ADARB1: variants seen among roughly 807,000 people sequenced by gnomAD.
ADARB1 encodes the protein adenosine deaminase RNA specific B1.
A neutral mutation model predicts 52.4 loss-of-function variants in ADARB1; 10 were observed. That is an observed-to-expected ratio of 0.19 (90% CI 0.12 to 0.32). The LOEUF (loss-of-function observed/expected upper bound fraction) is 0.32. Ranked by LOEUF, ADARB1 falls within the 10% of genes least tolerant of loss-of-function variation. The pLI is 1.00. For synonymous variants in ADARB1, 349 were observed against 371.1 expected (o/e 0.94, Z 0.68); for missense variants, 643 against 922.3 (o/e 0.70, Z 3.92).
chr21:45,204,059 C>T lies in ADARB1; in HGVS notation c.1566-496C>T, dbSNP rs536606827. ...GCGACTGCTAATGGGCCAGCGGCAT[C>T]TGCAACGTGGATGGTTCACATCCCG... On this transcript the variant is annotated intron_variant, in intron 8 of 10. Coordinates refer to ENST00000348831, the MANE Select transcript of ADARB1 (RefSeq NM_001112.4). The surrounding 1 kb of genome is among the most constrained non-coding windows in gnomAD (Gnocchi z 4.4). 6.6e-6 allele frequency among the ~76,000 whole-genome samples: 1 copy of T among 152,358 alleles called. No individual in the cohort carries two copies. The highest frequency in any genetic ancestry group is 2.4e-5 in the African/African-American group (1 of 41,588).
chr21:45,161,126 C>T (rs534050749), intron 2 of ADARB1, among the ~76,000 whole-genome samples: 16 of 152,320 alleles, frequency 1.1e-4, no homozygotes, highest in African/African-American at 3.1e-4. Context: ...TGCAGCCTGT[C>T]TGGAGTTGCT....
At chr21:45,125,682 A>G (rs929828495) in intron 1 of ADARB1, among the ~76,000 whole-genome samples, 2 of 152,222 alleles carry the variant, frequency 1.3e-5, no homozygotes, top group Non-Finnish European at 2.9e-5. Context: ...CTCCAATTCA[A>G]TTCCAAGGCT....
At chr21:45,218,239 TTCTC>T in intron 9 of ADARB1, among the ~76,000 whole-genome samples, 1 of 152,340 alleles carries the variant, frequency 6.6e-6, no homozygotes, top group African/African-American at 2.4e-5. Flanking sequence ...TGTTCTTTTT[TTCTC>T]TCTTTGTGTT....
chr21:45,195,937 C>T (rs1466054538), intron 8 of ADARB1, among the ~76,000 whole-genome samples: 2 of 152,098 alleles, frequency 1.3e-5, no homozygotes, highest in East Asian at 3.8e-4. Flanking sequence ...TCAATATCTA[C>T]AAAATAACTT....
At position 45,226,375 on chromosome 21, in the gene ADARB1, C is replaced by T. The variant is rs140433470; in HGVS notation, c.*4178C>T. ...CTGGACACTTTCTATGAATGTAATT[C>T]GGCTGAGAAACATGTTGCTGAGATG... is the stretch of plus-strand genomic sequence containing the variant. On this transcript the variant is annotated 3_prime_UTR_variant, in exon 11 of 11. Coordinates refer to ENST00000348831, the MANE Select transcript of ADARB1 (RefSeq NM_001112.4). 2.0e-5 allele frequency: 3 copies of T among 152,690 alleles called. No individual in the cohort carries two copies. The highest frequency in any genetic ancestry group is 2.9e-5 in the Non-Finnish European group (2 of 68,030). 9.5% of individuals were successfully genotyped at this position (152,690 alleles called of 1,614,324 possible).
rs1239009159 is a variant in ADARB1, at chr21:45,226,422, T to G, written c.*4225T>G. The G allele has an allele frequency of 6.5e-6, 1 of 152,678 alleles. No individual in the cohort carries two copies. The highest frequency in any genetic ancestry group is 1.5e-5 in the Non-Finnish European group (1 of 68,046). The allele number at this position is 152,678 out of a possible 1,614,324, so 9.5% of individuals were successfully genotyped here. The stretch of plus-strand genomic sequence containing the variant: ...GATGCAATCCTCAGTGTTCTCTGTA[T>G]GTAAATCTGTGTATACACCACACGT... On this transcript the variant is annotated 3_prime_UTR_variant, in exon 11 of 11. Coordinates refer to ENST00000348831, the MANE Select transcript of ADARB1 (RefSeq NM_001112.4).
chr21:45,167,644 G>A (rs1186543978), intron 2 of ADARB1, among the ~76,000 whole-genome samples: 64 of 152,178 alleles, frequency 4.2e-4, no homozygotes, highest in Non-Finnish European at 4.4e-5. Flanking sequence ...CCAGCTACTC[G>A]GGAGGCTGAG....
intron 9 of ADARB1, among the ~76,000 whole-genome samples, chr21:45,218,565 G>A (rs1017458518): frequency 6.6e-6 from 1 of 152,176 alleles, no homozygotes; most frequent in Non-Finnish European, 1.5e-5. Context: ...CTGTCTGCAT[G>A]TCTCTTCCTT....
Position 45,222,431 on chromosome 21 carries a change from C to T in ADARB1, c.*234C>T. ...CCCAGCATCGCCGCCTGGCATCTCT[C>T]TGCCGCAGCATTTCCCCTTCTGAAC... On this transcript the variant is annotated 3_prime_UTR_variant, in exon 11 of 11. Coordinates refer to ENST00000348831, the MANE Select transcript of ADARB1 (RefSeq NM_001112.4). 1 of 1,288,078 alleles carries T rather than the reference C, an allele frequency of 7.8e-7. No homozygotes were observed. The highest frequency in any genetic ancestry group is 9.8e-7 in the Non-Finnish European group (1 of 1,022,276). 79.8% of individuals were successfully genotyped at this position (1,288,078 alleles called of 1,614,324 possible).
intron 1 of ADARB1, among the ~76,000 whole-genome samples, chr21:45,118,289 T>A (rs909654439): frequency 1.8e-4 from 27 of 152,214 alleles, no homozygotes; most frequent in African/African-American, 6.5e-4. Flanking sequence ...ATTCTATTTT[T>A]GTTTTGCTGG....
intron 2 of ADARB1, among the ~76,000 whole-genome samples, chr21:45,143,856 T>C (rs544124509): frequency 3.2e-4 from 49 of 152,302 alleles, no homozygotes; most frequent in Non-Finnish European, 6.9e-4. Flanking sequence ...CCCTCCCACA[T>C]CCAGCCATCA....
rs552881924 is a variant in ADARB1, at chr21:45,198,865, TTCATTAATTCCTCTTAAATCTA to T, written c.1566-5684_1566-5663del. Among the ~76,000 whole-genome samples, 324 of 152,370 alleles carry T rather than the reference TTCATTAATTCCTCTTAAATCTA, an allele frequency of 2.1e-3. 1 individual carries two copies. Among genetic ancestry groups the T allele is most frequent in the African/African-American group, 7.4e-3 (307 of 41,580 alleles). On this transcript the variant is annotated intron_variant, in intron 8 of 10. Coordinates refer to ENST00000348831, the MANE Select transcript of ADARB1 (RefSeq NM_001112.4). Reference sequence around the variant, plus strand: ...AATTCTATTTTATATTTTTTAAAGCTTCATTAATTCCTCTTAAATCTATCATTTCAATGTGATTTTAATAAAA... The same window carrying T: ...AATTCTATTTTATATTTTTTAAAGCTTCATTTCAATGTGATTTTAATAAAA...
chr21:45,164,392 G>A (rs1230489475), intron 2 of ADARB1, among the ~76,000 whole-genome samples: 19 of 152,114 alleles, frequency 1.2e-4, no homozygotes, highest in Non-Finnish European at 8.8e-5. Context: ...CAGCATGCCT[G>A]TGGGGGCAGG....
intron 8 of ADARB1, among the ~76,000 whole-genome samples, chr21:45,189,730 G>C (rs539991461): frequency 1.4e-5 from 2 of 147,560 alleles, no homozygotes; most frequent in Admixed American, 1.3e-4. Flanking sequence ...GGTTGACAGG[G>C]TTGTTTTTTT....
intron 1 of ADARB1, among the ~76,000 whole-genome samples, chr21:45,124,781 G>A (rs867360935): frequency 2.5e-5 from 3 of 122,428 alleles, no homozygotes; most frequent in Non-Finnish European, 5.2e-5. Flanking sequence ...GTGTGTGTGT[G>A]TGTGTATGTG....
chr21:45,075,850 A>G (rs1293953038), intron 1 of ADARB1, among the ~76,000 whole-genome samples: 1 of 152,202 alleles, frequency 6.6e-6, no homozygotes, highest in African/African-American at 2.4e-5. Context: ...CTTACTAACC[A>G]TTATTGCATT....
intron 2 of ADARB1, among the ~76,000 whole-genome samples, chr21:45,149,249 A>G (rs553918298): frequency 6.6e-6 from 1 of 152,318 alleles, no homozygotes; most frequent in East Asian, 1.9e-4. Context: ...TCATCCTGAC[A>G]CCAGCTCTGT....
chr21:45,078,943 G>C (rs1423939035), intron 1 of ADARB1, among the ~76,000 whole-genome samples: 1 of 152,150 alleles, frequency 6.6e-6, no homozygotes, highest in Non-Finnish European at 1.5e-5. Context: ...CCTAGGCACA[G>C]AGTGGTTAAG....
intron 2 of ADARB1, among the ~76,000 whole-genome samples, chr21:45,134,514 C>T (rs907122819): frequency 1.3e-5 from 2 of 151,072 alleles, no homozygotes; most frequent in Non-Finnish European, 1.5e-5. Flanking sequence ...GTGTGCCTGA[C>T]GTGTGTGTGT....
Sources: gnomAD v4.1 joint callset for allele counts (sites outside exome capture counted in the v4.1 genomes callset) on GRCh38, gnomAD v4.1.1 for gene constraint, Gnocchi (gnomAD v3.1) non-coding constraint, MANE v1.5 for transcripts, NCBI Gene and HGNC (gene_info 2026-07-23, HGNC 2026-07-21) for gene names.